The following PALS1 variants were observed in gnomAD, a reference collection of about 807,000 sequenced individuals.
PALS1 encodes the protein protein associated with LIN7 1, MAGUK p55 family member, also known as protein PALS1.
A neutral mutation model predicts 78.9 loss-of-function variants in PALS1; 31 were observed. The observed-to-expected ratio is 0.39, with a 90% CI of 0.30 to 0.53. The LOEUF is 0.53. Among genes scored for constraint, PALS1 ranks in the 20% least tolerant of loss-of-function variants. The pLI is 0.67. For missense variants in PALS1, 704 were observed against 826.5 expected, an observed-to-expected ratio of 0.85 and a Z score of 1.82; for synonymous variants, 276 against 270.9, an observed-to-expected ratio of 1.02 and a Z score of -0.18.
At chr14:67,305,624 A>G (rs1160190239) in intron 8 of PALS1, among the ~76,000 whole-genome samples, 1 of 152,238 alleles carries the variant, frequency 6.6e-6, no homozygotes, top group East Asian at 1.9e-4. Context: ...TTCATGCAGA[A>G]TCTGGAATTC....
intron 14 of PALS1, among the ~76,000 whole-genome samples, chr14:67,325,926 A>G (rs1327304154): frequency 6.7e-6 from 1 of 149,564 alleles, no homozygotes; most frequent in Non-Finnish European, 1.5e-5. Flanking sequence ...CTTCTGCCTC[A>G]GCCTCCCGAG....
At chr14:67,243,921 T>TAATCCGTAGTCTGACTGCTAGTTAGGGGC (rs2083944958) in intron 1 of PALS1, among the ~76,000 whole-genome samples, 1 of 152,214 alleles carries the variant, frequency 6.6e-6, no homozygotes, top group Non-Finnish European at 1.5e-5. Flanking sequence ...AGGAGTTAAG[T>TAATCCGTAGTCTGACTGCTAGTTAGGGGC]AATCCGTAGT....
chr14:67,323,936 A>G (rs1595617979), intron 14 of PALS1, 124 bp downstream of exon 14: 1 of 572,736 alleles, frequency 1.7e-6, no homozygotes, highest in East Asian at 3.5e-5. Context: ...TTTTTCTGTA[A>G]TATTACTTGC....
In PALS1 at chr14:67,279,181, C is replaced by A; in HGVS notation, c.11C>A (p.Ser4Tyr). 2 of 1,587,768 alleles carry A rather than the reference C, an allele frequency of 1.3e-6. No homozygotes were observed. The highest frequency in any genetic ancestry group is 1.8e-5 in the Admixed American group (1 of 54,298). The change falls in exon 3 of 15, where the codon TCC becomes TAC. Residue 4 changes from serine (S) to tyrosine (Y), a missense_variant. Physicochemically the swap from Ser to Tyr is moderately radical, Grantham distance 144. Coordinates refer to ENST00000261681, the MANE Select transcript of PALS1 (RefSeq NM_022474.4). MTT[S>Y]HMNGHVTEES... Reference sequence around the variant, plus strand: ...TTTTCATAGATAACCATGACAACATCCCATATGAATGGGCATGTTACAGAG... The same window carrying A: ...TTTTCATAGATAACCATGACAACATACCATATGAATGGGCATGTTACAGAG...
At chr14:67,275,800 CT>C (rs2084493853) in intron 2 of PALS1, among the ~76,000 whole-genome samples, 1 of 152,028 alleles carries the variant, frequency 6.6e-6, no homozygotes, top group African/African-American at 2.4e-5. Flanking sequence ...AATTTCAGAG[CT>C]ATTATTGGTG....
intron 14 of PALS1, among the ~76,000 whole-genome samples, chr14:67,324,390 G>A (rs996404228): frequency 6.6e-6 from 1 of 151,992 alleles, no homozygotes; most frequent in Non-Finnish European, 1.5e-5. Context: ...ACTCTGTCAG[G>A]TGACTTACTG....
At chr14:67,301,899 A>T in intron 5 of PALS1, 73 bp from the exon 6 acceptor site, 1 of 1,465,522 alleles carries the variant, frequency 6.8e-7, no homozygotes, top group Non-Finnish European at 9.2e-7. Context: ...AATACTATGT[A>T]CATAGGTTAA....
intron 1 of PALS1, among the ~76,000 whole-genome samples, chr14:67,244,029 A>G (rs1349382879): frequency 6.6e-6 from 1 of 152,236 alleles, no homozygotes; most frequent in Non-Finnish European, 1.5e-5. Context: ...TGCTCTTCTC[A>G]GGATGTCTCA....
chr14:67,301,992 TA>T lies in PALS1; in HGVS notation c.677del (p.Lys226ArgfsTer9). 1 of 1,600,920 alleles carries T rather than the reference TA, an allele frequency of 6.2e-7. No homozygotes were observed. The highest frequency in any genetic ancestry group is 8.5e-7 in the Non-Finnish European group (1 of 1,175,372). The stretch of plus-strand genomic sequence containing the variant: ...AACAGGCACTTTTACTGGCCCACGA[TA>T]AGGTTGCTGAGCAGGAAATGCAGCT... Reference protein sequence around the residue: ...HIQALLLAHDKVAEQEMQLEP... With the variant: ...HIQALLLAHDXVAEQEMQLEP... On this transcript the variant is annotated frameshift_variant, in exon 6 of 15. Transcript: ENST00000261681. LOFTEE classifies it high-confidence loss of function.
intron 14 of PALS1, among the ~76,000 whole-genome samples, chr14:67,326,221 ATTTTTTTTTTTTTTTT>A (rs760127048): frequency 2.9e-3 from 37 of 12,914 alleles, no homozygotes; most frequent in Admixed American, 8.9e-3. Context: ...TTTAGGTCTG[ATTTTTTTTTTTTTTTT>A]TTTTTTTTTT....
rs1260896774 is a variant in PALS1, at chr14:67,312,632, A to G, written c.1147A>G (p.Ser383Gly). ...FQKGDILHVI[S>G]QEDPNWWQAY... The stretch of plus-strand genomic sequence containing the variant: ...AAAAGGTGATATACTTCATGTGATC[A>G]GTCAAGAAGATCCAAACTGGTGGCA... Residue 383 changes from serine (S) to glycine (G), a missense_variant, in exon 9 of 15, where the codon AGT becomes GGT. Ser to Gly is a moderately conservative substitution (Grantham distance 56, BLOSUM62 0). Transcript: ENST00000261681. 6 of 1,613,716 alleles carry G rather than the reference A, an allele frequency of 3.7e-6. No individual in the cohort carries two copies. In the South Asian group the frequency reaches 6.6e-5, roughly 18 times the overall value.
At chr14:67,314,475 G>A (rs971739050) in intron 9 of PALS1, among the ~76,000 whole-genome samples, 1 of 152,140 alleles carries the variant, frequency 6.6e-6, no homozygotes, top group African/African-American at 2.4e-5. Context: ...AGGAGGAATG[G>A]ACTTCTTACA....
chr14:67,279,601 A>G, intron 3 of PALS1, 64 bp downstream of exon 3: 1 of 1,416,488 alleles, frequency 7.1e-7, no homozygotes, highest in Non-Finnish European at 9.4e-7. Flanking sequence ...CTTATAATGT[A>G]TATGAGAAGG....
Position 67,332,980 on chromosome 14 carries a change from GTTGGAC to G in PALS1, c.*28_*33del. 6.3e-7 allele frequency: 1 copy of G among 1,587,322 alleles called. No homozygotes were observed. Among genetic ancestry groups the G allele is most frequent in the Non-Finnish European group, 8.6e-7 (1 of 1,161,842 alleles). ...GAAAGAAACATCCATTCTGTGGCAT[GTTGGAC>G]TTGATCTGGCAAAAACTGCCAATAG... is the stretch of plus-strand genomic sequence containing the variant. On this transcript the variant is annotated 3_prime_UTR_variant, in exon 15 of 15. Coordinates refer to ENST00000261681, the MANE Select transcript of PALS1 (RefSeq NM_022474.4).
intron 8 of PALS1, among the ~76,000 whole-genome samples, chr14:67,308,814 A>G (rs1422361224): frequency 6.6e-6 from 1 of 152,088 alleles, no homozygotes; most frequent in Admixed American, 6.6e-5. Flanking sequence ...TACTCTACTT[A>G]CTATCCCAAA....
chr14:67,306,057 C>G (rs944012046), intron 8 of PALS1, among the ~76,000 whole-genome samples: 3 of 152,188 alleles, frequency 2.0e-5, no homozygotes, highest in Admixed American at 1.3e-4. Context: ...GCAACCTCCG[C>G]CTCCCAGAGT....
At chr14:67,323,494 A>T (rs2085299330) in intron 13 of PALS1, among the ~76,000 whole-genome samples, 1 of 151,710 alleles carries the variant, frequency 6.6e-6, no homozygotes, top group Non-Finnish European at 1.5e-5. Flanking sequence ...GCATGCCTAT[A>T]GTCCTAGCTA....
intron 1 of PALS1, among the ~76,000 whole-genome samples, chr14:67,255,409 A>C (rs2084131246): frequency 6.6e-6 from 1 of 152,054 alleles, no homozygotes; most frequent in African/African-American, 2.4e-5. Context: ...TCTTTTTTGG[A>C]ATTTTTCATA....
At chr14:67,250,801 C>A (rs72717364) in intron 1 of PALS1, among the ~76,000 whole-genome samples, 7,235 of 152,174 alleles carry the variant, frequency 0.048, 191 homozygotes, top group Middle Eastern at 0.054. Context: ...GGAATCTTAT[C>A]CTTCTGTTTT....
Sources: gnomAD v4.1 joint callset for allele counts (sites outside exome capture counted in the v4.1 genomes callset) on GRCh38, gnomAD v4.1.1 for gene constraint, MANE v1.5 for transcripts, NCBI Gene and HGNC (gene_info 2026-07-23, HGNC 2026-07-21) for gene names.